KRT222: variants seen among roughly 807,000 people sequenced by gnomAD.
The protein encoded by KRT222 is keratin 222, also known as keratin-like protein KRT222.
In KRT222, 23 loss-of-function variants were observed where a neutral mutation model predicts 35.0. The observed-to-expected ratio is 0.66, with a 90% CI of 0.47 to 0.93. The LOEUF (loss-of-function observed/expected upper bound fraction) is 0.93. Ranked by LOEUF, KRT222 falls within the 40% of genes least tolerant of loss-of-function variation. The pLI is 0.00. For synonymous variants in KRT222, 108 were observed against 118.8 expected (o/e 0.91, Z 0.59); for missense variants, 339 against 346.3 (o/e 0.98, Z 0.17).
rs1285904203 is a variant in KRT222, at chr17:40,660,184, T to C, written c.249A>G (p.Leu83=). 1.2e-6 allele frequency: 2 copies of C among 1,614,018 alleles called. No individual in the cohort carries two copies. The highest frequency in any genetic ancestry group is 1.6e-4 in the Middle Eastern group (1 of 6,062). The change falls in exon 3 of 6, where the codon CTA becomes CTG. Residue 83 remains leucine, a synonymous_variant. Transcript: ENST00000394052. ...HAVERGLENS[L]HASEQHYQMQ... Reference sequence around the variant, plus strand: ...TCTGGTAATGCTGCTCGCTGGCATGTAGGGAGTTTTCAAGGCCCCTTTCCT... The same window carrying C: ...TCTGGTAATGCTGCTCGCTGGCATGCAGGGAGTTTTCAAGGCCCCTTTCCT...
At chr17:40,663,073 C>G (rs2037394292) in intron 1 of KRT222, among the ~76,000 whole-genome samples, 1 of 152,086 alleles carries the variant, frequency 6.6e-6, no homozygotes, top group African/African-American at 2.4e-5. Context: ...GTTAACTTGG[C>G]AAAGTCAGGC....
chr17:40,663,685 G>A (rs1332176950), intron 1 of KRT222, among the ~76,000 whole-genome samples: 1 of 152,172 alleles, frequency 6.6e-6, no homozygotes, highest in Non-Finnish European at 1.5e-5. Context: ...AGGCTGTCTT[G>A]AATTTATTTC....
intron 1 of KRT222, among the ~76,000 whole-genome samples, chr17:40,662,388 G>A (rs1396763833): frequency 6.6e-6 from 1 of 152,176 alleles, no homozygotes; most frequent in Non-Finnish European, 1.5e-5. Context: ...TGGATCACTA[G>A]GAGGAAGGAT....
At position 40,656,645 on chromosome 17, in the gene KRT222, TAAAC is replaced by T; in HGVS notation, c.660-19_660-16del. The T allele has an allele frequency of 7.0e-7, 1 of 1,438,606 alleles. No homozygotes were observed. Among genetic ancestry groups the T allele is most frequent in the East Asian group, 2.3e-5 (1 of 43,970 alleles). The allele number at this position is 1,438,606 out of a possible 1,614,324, so 89.1% of individuals were successfully genotyped here. ...CTTTCTCTGTCCTGAAATGATAAAATAAACCTTTTAATAATGAAGAAGTATGGGT... is the reference window on the plus strand; with the variant it reads ...CTTTCTCTGTCCTGAAATGATAAAATCTTTTAATAATGAAGAAGTATGGGT... On this transcript the variant is annotated splice_polypyrimidine_tract_variant and intron_variant, in intron 5 of 5. Coordinates refer to ENST00000394052, the MANE Select transcript of KRT222 (RefSeq NM_152349.3).
intron 1 of KRT222, 34 bp downstream of exon 1, chr17:40,664,970 T>C: frequency 6.2e-7 from 1 of 1,613,500 alleles, no homozygotes; most frequent in Non-Finnish European, 8.5e-7. Flanking sequence ...TGTCTCCTTA[T>C]TCTGGAAGGT....
chr17:40,659,926 C>T, intron 3 of KRT222, 61 bp downstream of exon 3: 1 of 1,383,348 alleles, frequency 7.2e-7, no homozygotes, highest in Non-Finnish European at 1.0e-6. Context: ...ACTACATCAA[C>T]AATGGCATAA....
chr17:40,659,461 C>G (rs1349696332), intron 3 of KRT222, among the ~76,000 whole-genome samples: 1 of 152,172 alleles, frequency 6.6e-6, no homozygotes, highest in Non-Finnish European at 1.5e-5. Flanking sequence ...AGGCGTGAGC[C>G]GCTGCACCCA....
rs745851879 is a variant in KRT222, at chr17:40,661,940, C to T, written c.201G>A (p.Val67=). 6.2e-7 allele frequency: 1 copy of T among 1,614,154 alleles called. No individual in the cohort carries two copies. Among genetic ancestry groups the T allele is most frequent in the Non-Finnish European group, 8.5e-7 (1 of 1,180,014 alleles). ...CCACAGCATGGAGAGATTCAATTTC[C>T]ACTTGCAGGTGGTGCCACTGGCGTC... ...EARRQWHHLQ[V]EIESLHAVER... The change falls in exon 2 of 6, where the codon GTG becomes GTA. Residue 67 remains valine, a synonymous_variant. Coordinates refer to ENST00000394052, the MANE Select transcript of KRT222 (RefSeq NM_152349.3).
chr17:40,664,188 C>T (rs543879944), intron 1 of KRT222, among the ~76,000 whole-genome samples: 1 of 152,070 alleles, frequency 6.6e-6, no homozygotes, highest in East Asian at 1.9e-4. Flanking sequence ...TAAAAAATCC[C>T]CTAAATTTCT....
Position 40,657,690 on chromosome 17 carries a change from A to C in KRT222, c.507T>G (p.Gly169=). ...GAAACTCACCTGATGGTAAAACAAA[A>C]CCAACTCTACTTGTGGTAGGCTTTT... is the stretch of plus-strand genomic sequence containing the variant. ...KDKKPTTSRV[G]FVLPSAIINE... is the part of the protein sequence containing the mutation. The change falls in exon 4 of 6, where the codon GGT becomes GGG. Residue 169 remains glycine (G), a synonymous_variant. Coordinates refer to ENST00000394052, the MANE Select transcript of KRT222 (RefSeq NM_152349.3). 6.2e-7 allele frequency: 1 copy of C among 1,612,728 alleles called. No individual in the cohort carries two copies. Among genetic ancestry groups the C allele is most frequent in the East Asian group, 2.2e-5 (1 of 44,746 alleles).
chr17:40,657,229 C>A (rs1322742940), intron 5 of KRT222, 123 bp downstream of exon 5: 208 of 427,140 alleles, frequency 4.9e-4, no homozygotes, highest in Non-Finnish European at 6.6e-4. Context: ...AAAAAAAAAT[C>A]ACAGTATACT....
chr17:40,654,938 G>C lies in KRT222; in HGVS notation c.*1464C>G, dbSNP rs1414931475. 3 of 149,374 alleles carry C rather than the reference G, an allele frequency of 2.0e-5. No individual in the cohort carries two copies. Among genetic ancestry groups the C allele is most frequent in the Non-Finnish European group, 4.4e-5 (3 of 67,416 alleles). The allele number at this position is 149,374 out of a possible 1,614,324, so 9.3% of individuals were successfully genotyped here. A position where few individuals can be genotyped will look rare whatever the true frequency, so the allele number is the denominator to read the frequency against. On this transcript the variant is annotated 3_prime_UTR_variant, in exon 6 of 6. Coordinates refer to ENST00000394052, the MANE Select transcript of KRT222 (RefSeq NM_152349.3). The stretch of plus-strand genomic sequence containing the variant: ...TAAAAGGAATCTGAAGTAATTGAAA[G>C]AAAATTAAAAATTTTATATCCCTGT...
chr17:40,664,840 T>TC, intron 1 of KRT222, 164 bp downstream of exon 1: 2 of 1,148,410 alleles, frequency 1.7e-6, no homozygotes, highest in Non-Finnish European at 2.4e-6. Context: ...TCACAGTATT[T>TC]CCCCCTGTAG....
At position 40,660,097 on chromosome 17, in the gene KRT222, C is replaced by A. The variant is rs752781804; in HGVS notation, c.336G>T (p.Arg112Ser). ...EGLEKELQEVRRGIEKQLQEH... is the reference protein window; with the variant it reads ...EGLEKELQEVSRGIEKQLQEH... ...CTTGAAGCTGCTTTTCGATGCCGCG[C>A]CTTACTTCCTGTAGCTCTTTTTCTA... The change falls in exon 3 of 6, where the codon AGG becomes AGT. Residue 112 changes from arginine to serine, a missense_variant. By Grantham distance (110) the Arg-to-Ser change is moderately radical. Transcript: ENST00000394052. 46 of 1,613,992 alleles carry A rather than the reference C, an allele frequency of 2.9e-5. No individual in the cohort carries two copies. Among genetic ancestry groups the A allele is most frequent in the Middle Eastern group, 1.6e-4 (1 of 6,084 alleles).
chr17:40,660,294 T>C (rs2037373940), intron 2 of KRT222, 87 bp from the exon 3 acceptor site: 2 of 1,125,652 alleles, frequency 1.8e-6, no homozygotes, highest in Non-Finnish European at 2.6e-6. Context: ...CTTTTTTTTT[T>C]TTTTGAGATG....
Position 40,656,488 on chromosome 17 carries a change from C to A in KRT222, c.802G>T (p.Asp268Tyr), listed in dbSNP as rs779902834. ...CTGACTTCTATATCTGGTAGATTATCCTGCTTAGTCTCTAAACACCCTTCA... is the reference window on the plus strand; with the variant it reads ...CTGACTTCTATATCTGGTAGATTATACTGCTTAGTCTCTAAACACCCTTCA... Reference protein sequence around the residue: ...TDEGCLETKQDNLPDIEVRLI... With the variant: ...TDEGCLETKQYNLPDIEVRLI... The change falls in exon 6 of 6, where the codon GAT becomes TAT. Residue 268 changes from aspartate (D) to tyrosine (Y), a missense_variant. Asp to Tyr is a radical substitution (Grantham distance 160). Transcript: ENST00000394052. The A allele has an allele frequency of 5.6e-6, 9 of 1,613,844 alleles. No individual in the cohort carries two copies. The highest frequency in any genetic ancestry group is 7.6e-6 in the Non-Finnish European group (9 of 1,179,848).
At chr17:40,656,731 T>TAATTTATAGTGTATAG (rs1325661997) in intron 5 of KRT222, 101 bp from the exon 6 acceptor site, 1 of 627,214 alleles carries the variant, frequency 1.6e-6, no homozygotes, top group African/African-American at 1.8e-5. Context: ...GAAATTTGTA[T>TAATTTATAGTGTATAG]AATTTATAGT....
At chr17:40,659,775 T>C (rs2037369749) in intron 3 of KRT222, among the ~76,000 whole-genome samples, 1 of 152,222 alleles carries the variant, frequency 6.6e-6, no homozygotes, top group Non-Finnish European at 1.5e-5. Flanking sequence ...CATTTTGTTC[T>C]AGGTGACTTT....
At chr17:40,663,756 C>T (rs1737816442) in intron 1 of KRT222, among the ~76,000 whole-genome samples, 1 of 152,344 alleles carries the variant, frequency 6.6e-6, no homozygotes, top group Middle Eastern at 3.4e-3. Context: ...TTAAAAGACA[C>T]TTTAAACAAA....
Sources: gnomAD v4.1 joint callset for allele counts (sites outside exome capture counted in the v4.1 genomes callset) on GRCh38, gnomAD v4.1.1 for gene constraint, MANE v1.5 for transcripts, NCBI Gene and HGNC (gene_info 2026-07-23, HGNC 2026-07-21) for gene names.